The following MED14 variants were observed in gnomAD, a reference collection of about 807,000 sequenced individuals.
The protein encoded by MED14 is mediator of RNA polymerase II transcription subunit 14.
A neutral mutation model predicts 109.0 loss-of-function variants in MED14; 8 were observed. The observed-to-expected ratio is 0.07, with a 90% CI of 0.04 to 0.13. The LOEUF is 0.13. Among genes scored for constraint, MED14 ranks in the 10% least tolerant of loss-of-function variants. MED14 has a pLI of 1.00. For synonymous variants in MED14, 399 were observed against 408.7 expected (o/e 0.98, Z 0.29); for missense variants, 711 against 1,142.4 (o/e 0.62, Z 5.44).
chrX:40,682,284 T>C (rs1930146080), intron 18 of MED14, among the ~76,000 whole-genome samples: 1 of 111,756 alleles, frequency 8.9e-6, no homozygotes, highest in Non-Finnish European at 1.9e-5. Flanking sequence ...ACCCTCATGA[T>C]TGTGATTGTG....
At chrX:40,669,845 C>T (rs937755585) in intron 23 of MED14, among the ~76,000 whole-genome samples, 2 of 111,233 alleles carry the variant, frequency 1.8e-5, no homozygotes, top group East Asian at 5.6e-4. Flanking sequence ...CAAGTCTCAG[C>T]TTAACCAGTG....
intron 13 of MED14, among the ~76,000 whole-genome samples, chrX:40,694,189 G>A (rs775206293): frequency 4.5e-5 from 5 of 111,381 alleles, no homozygotes; most frequent in African/African-American, 1.3e-4. Context: ...ATGAGCCACC[G>A]CAACTGGCCT....
intron 3 of MED14, among the ~76,000 whole-genome samples, chrX:40,721,170 G>A (rs558268249): frequency 9.0e-6 from 1 of 111,134 alleles, no homozygotes; most frequent in Non-Finnish European, 1.9e-5. Flanking sequence ...GCCAAAGTGC[G>A]GTAGAGCACC....
intron 13 of MED14, among the ~76,000 whole-genome samples, chrX:40,694,762 T>C (rs1195914952): frequency 8.9e-6 from 1 of 112,150 alleles, no homozygotes; most frequent in Non-Finnish European, 1.9e-5. Context: ...GAATGCAAAA[T>C]AGTACATCAC....
chrX:40,667,655 A>T (rs192378108), intron 23 of MED14, among the ~76,000 whole-genome samples: 1 of 112,228 alleles, frequency 8.9e-6, no homozygotes, highest in African/African-American at 3.2e-5. Context: ...TGGAGCGGAA[A>T]TCATGGACGA....
At chrX:40,685,751 T>C (rs1002363350) in intron 16 of MED14, among the ~76,000 whole-genome samples, 6 of 112,067 alleles carry the variant, frequency 5.4e-5, no homozygotes, top group Non-Finnish European at 7.5e-5. Flanking sequence ...ATCAAAGAAA[T>C]TTACTATGAT....
Position 40,651,742 on chromosome X carries a change from G to A in MED14, c.*64C>T. The A allele has an allele frequency of 8.9e-7, 1 of 1,120,546 alleles. No individual in the cohort carries two copies. Among genetic ancestry groups the A allele is most frequent in the Non-Finnish European group, 1.2e-6 (1 of 855,242 alleles). The allele number at this position is 1,120,546 out of a possible 1,213,427, so 92.3% of individuals were successfully genotyped here. On this transcript the variant is annotated 3_prime_UTR_variant, in exon 31 of 31. Coordinates refer to ENST00000324817, the MANE Select transcript of MED14 (RefSeq NM_004229.4). ...AGTCCTTTTCCTTTTTTAAACTGAA[G>A]GCTGAATTCAGATTTTTTTTGTTGT...
chrX:40,666,904 G>C (rs1724239636), intron 23 of MED14, 53 bp from the exon 24 acceptor site: 1 of 1,035,118 alleles, frequency 9.7e-7, no homozygotes, highest in East Asian at 3.4e-5. Flanking sequence ...TTTATGTCCT[G>C]TCCAAGGACC....
intron 23 of MED14, among the ~76,000 whole-genome samples, chrX:40,668,672 C>A (rs1293552838): frequency 8.9e-6 from 1 of 111,791 alleles, no homozygotes; most frequent in Non-Finnish European, 1.9e-5. Context: ...TTCCAAGACC[C>A]CCAGTGGATG....
In MED14 at chrX:40,664,470, G is replaced by A; in HGVS notation, c.3285C>T (p.Ser1095=). The A allele has an allele frequency of 9.1e-7, 1 of 1,100,038 alleles. No individual in the cohort carries two copies. The highest frequency in any genetic ancestry group is 1.2e-6 in the Non-Finnish European group (1 of 839,242). 90.7% of individuals were successfully genotyped at this position (1,100,038 alleles called of 1,213,427 possible). A position where few individuals can be genotyped will look rare whatever the true frequency, so the allele number is the denominator to read the frequency against. Residue 1095 remains serine, a synonymous_variant, in exon 25 of 31, where the codon TCC becomes TCT. Transcript: ENST00000324817. ...ASPHGTLDPS[S]PYTMVSPSGR... ...CACTTGGTGACACCATAGTGTATGG[G>A]GAACTAGGGTCAAGAGTTCCTATAA...
At chrX:40,656,489 A>G (rs1011844869) in intron 28 of MED14, among the ~76,000 whole-genome samples, 1 of 112,328 alleles carries the variant, frequency 8.9e-6, no homozygotes, top group Non-Finnish European at 1.9e-5. Flanking sequence ...GTGGGAATAT[A>G]AACTGGCATA....
intron 21 of MED14, 57 bp from the exon 22 acceptor site, chrX:40,675,418 ATT>A: frequency 1.2e-6 from 1 of 864,770 alleles, no homozygotes; most frequent in East Asian, 3.9e-5. Flanking sequence ...TTAGTAAAAT[ATT>A]TTAAATTATT....
intron 16 of MED14, among the ~76,000 whole-genome samples, chrX:40,687,915 T>A (rs2146666789): frequency 8.9e-6 from 1 of 111,791 alleles, no homozygotes; most frequent in South Asian, 3.7e-4. Context: ...AGAAAAGACA[T>A]CCAAAAATAC....
At position 40,701,601 on chromosome X, in the gene MED14, T is replaced by C. The variant is rs140196527; in HGVS notation, c.1412-358A>G. On this transcript the variant is annotated intron_variant, in intron 11 of 30. Coordinates refer to ENST00000324817, the MANE Select transcript of MED14 (RefSeq NM_004229.4). ...TATAAGTATTTAAAACTCATAGTAT[T>C]ATTAGACTTAGAACCTTAAAAATCA... 4.0e-3 allele frequency among the ~76,000 whole-genome samples: 445 copies of C among 111,632 alleles called. 5 individuals carry two copies. The highest frequency in any genetic ancestry group is 0.014 in the African/African-American group (427 of 30,743).
intron 13 of MED14, among the ~76,000 whole-genome samples, chrX:40,694,469 T>C (rs1208932638): frequency 9.0e-6 from 1 of 111,232 alleles, no homozygotes; most frequent in Non-Finnish European, 1.9e-5. Flanking sequence ...CTGCTTCCTT[T>C]CTCCCTTGCT....
chrX:40,725,894 C>T, intron 3 of MED14, among the ~76,000 whole-genome samples: 1 of 111,710 alleles, frequency 9.0e-6, no homozygotes, highest in South Asian at 3.7e-4. Flanking sequence ...GTCAAATTAT[C>T]CTTGTTTGCA....
At chrX:40,719,044 C>A (rs1192277540) in intron 3 of MED14, among the ~76,000 whole-genome samples, 1 of 111,538 alleles carries the variant, frequency 9.0e-6, no homozygotes, top group African/African-American at 3.3e-5. Context: ...GGCCAATAAG[C>A]ACATGAAAAC....
chrX:40,726,601 G>A, intron 3 of MED14, 145 bp downstream of exon 3: 3 of 467,999 alleles, frequency 6.4e-6, no homozygotes, highest in Non-Finnish European at 3.6e-6. Context: ...AGTTTCTGCA[G>A]AAATATACAT....
At chrX:40,717,103 C>T (rs1931552508) in intron 3 of MED14, among the ~76,000 whole-genome samples, 2 of 110,486 alleles carry the variant, frequency 1.8e-5, no homozygotes, top group African/African-American at 3.3e-5. Context: ...TTATAATTAA[C>T]AATAATTTAT....
Sources: gnomAD v4.1 joint callset for allele counts (sites outside exome capture counted in the v4.1 genomes callset) on GRCh38, gnomAD v4.1.1 for gene constraint, MANE v1.5 for transcripts, NCBI Gene and HGNC (gene_info 2026-07-23, HGNC 2026-07-21) for gene names.